KCNH7: variants seen among roughly 807,000 people sequenced by gnomAD.
KCNH7 encodes the protein potassium voltage-gated channel subfamily H member 7.
KCNH7 carries 49 observed loss-of-function variants against 120.8 expected under a neutral mutation model. That is an observed-to-expected ratio of 0.41 (90% CI 0.32 to 0.51). The LOEUF (loss-of-function observed/expected upper bound fraction) is 0.51. KCNH7 is among the 20% of genes least tolerant of loss of function. The probability of loss-of-function intolerance (pLI) is 0.38; values close to 1 mark genes in which losing one functional copy is unlikely to be tolerated. For synonymous variants in KCNH7, 547 were observed against 516.1 expected (o/e 1.06, Z -0.81); for missense variants, 1,097 against 1,446.6 (o/e 0.76, Z 3.92).
chr2:162,629,389 TG>T (rs1408565055), intron 2 of KCNH7, among the ~76,000 whole-genome samples: 1 of 152,004 alleles, frequency 6.6e-6, no homozygotes, highest in Non-Finnish European at 1.5e-5. Flanking sequence ...TAGGGCCTGA[TG>T]GGGTTTAGAA....
chr2:162,552,273 C>T (rs920114750), intron 2 of KCNH7, among the ~76,000 whole-genome samples: 2 of 152,116 alleles, frequency 1.3e-5, no homozygotes, highest in Admixed American at 6.5e-5. Flanking sequence ...TCTTAGTACT[C>T]TGTTTATTTT....
At chr2:162,539,096 G>A (rs910581517) in intron 2 of KCNH7, among the ~76,000 whole-genome samples, 8 of 152,062 alleles carry the variant, frequency 5.3e-5, no homozygotes, top group African/African-American at 1.9e-4. Context: ...GTTAGCTGGA[G>A]CACTTGTCAT....
chr2:162,390,550 C>T (rs905733817), intron 12 of KCNH7, among the ~76,000 whole-genome samples: 1 of 151,882 alleles, frequency 6.6e-6, no homozygotes, highest in Admixed American at 6.6e-5. Flanking sequence ...CTCATGGCCA[C>T]TGAGCAGGTC....
chr2:162,480,116 G>T (rs1689880464), intron 6 of KCNH7, among the ~76,000 whole-genome samples: 1 of 151,982 alleles, frequency 6.6e-6, no homozygotes, highest in Admixed American at 6.6e-5. Context: ...AAAAAATGGA[G>T]TTCAGGTTAC....
At chr2:162,606,979 GT>G (rs1682794487) in intron 2 of KCNH7, among the ~76,000 whole-genome samples, 1 of 151,978 alleles carries the variant, frequency 6.6e-6, no homozygotes, top group Admixed American at 6.6e-5. Flanking sequence ...CACTAAAATT[GT>G]TTTTTGAGCA....
chr2:162,643,548 C>T (rs915379860), intron 2 of KCNH7, among the ~76,000 whole-genome samples: 2 of 151,948 alleles, frequency 1.3e-5, no homozygotes, highest in African/African-American at 4.8e-5. Context: ...GTGGCTCACA[C>T]CTGTAACCCC....
chr2:162,635,861 T>C (rs935592918), intron 2 of KCNH7, among the ~76,000 whole-genome samples: 3 of 152,072 alleles, frequency 2.0e-5, no homozygotes, highest in African/African-American at 7.2e-5. Flanking sequence ...CCTATGAGTT[T>C]TCATCCACAA....
Position 162,710,315 on chromosome 2 carries a change from T to C in KCNH7, c.307+126222A>G, listed in dbSNP as rs77487579. On this transcript the variant is annotated intron_variant, in intron 2 of 15. Transcript: ENST00000332142. ...ATGCTAAGCTGTAAACTACAAAACA[T>C]GCATGTATAATAAAATTAGATAAGC... Among the ~76,000 whole-genome samples the C allele has an allele frequency of 4.9e-3, 743 of 152,284 alleles. 2 individuals are homozygous for C. The highest frequency in any genetic ancestry group is 8.8e-3 in the Non-Finnish European group (597 of 68,018).
chr2:162,386,968 G>A (rs1686592321), intron 12 of KCNH7, among the ~76,000 whole-genome samples: 1 of 151,362 alleles, frequency 6.6e-6, no homozygotes, highest in African/African-American at 2.4e-5. Context: ...GGTCAGTGAG[G>A]AATTACTATT....
At chr2:162,453,436 G>A (rs1054851638) in intron 6 of KCNH7, among the ~76,000 whole-genome samples, 2 of 152,154 alleles carry the variant, frequency 1.3e-5, no homozygotes, top group African/African-American at 4.8e-5. Context: ...ATGTGCATGT[G>A]TCTTTATAGT....
At chr2:162,570,678 C>T (rs973435744) in intron 2 of KCNH7, among the ~76,000 whole-genome samples, 1 of 152,008 alleles carries the variant, frequency 6.6e-6, no homozygotes, top group Non-Finnish European at 1.5e-5. Context: ...TCGGTTGTTC[C>T]TTTCCATGTT....
intron 2 of KCNH7, among the ~76,000 whole-genome samples, chr2:162,719,604 A>T (rs1001652284): frequency 5.3e-5 from 8 of 152,044 alleles, no homozygotes; most frequent in Non-Finnish European, 1.0e-4. Flanking sequence ...CTCCCAGACT[A>T]GGAAAACCAG....
chr2:162,503,211 G>A (rs1690748936), intron 6 of KCNH7, among the ~76,000 whole-genome samples: 1 of 151,836 alleles, frequency 6.6e-6, no homozygotes, highest in South Asian at 2.1e-4. Context: ...CTTTTCTTCT[G>A]TCTCCTCTTA....
At chr2:162,516,975 T>C (rs1691318474) in intron 4 of KCNH7, among the ~76,000 whole-genome samples, 1 of 151,682 alleles carries the variant, frequency 6.6e-6, no homozygotes, top group African/African-American at 2.4e-5. Context: ...CTTATGAGAG[T>C]AAAATGAGAC....
chr2:162,804,411 A>T (rs976934179), intron 2 of KCNH7, among the ~76,000 whole-genome samples: 2 of 151,946 alleles, frequency 1.3e-5, no homozygotes, highest in Admixed American at 1.3e-4. Context: ...ACACAAATCA[A>T]CAGCACTGCT....
At chr2:162,626,998 T>C (rs1397042924) in intron 2 of KCNH7, among the ~76,000 whole-genome samples, 1 of 152,194 alleles carries the variant, frequency 6.6e-6, no homozygotes, top group East Asian at 1.9e-4. Flanking sequence ...TGTAAGATCA[T>C]GCTTATAGAA....
chr2:162,463,597 G>A (rs1030557815), intron 6 of KCNH7, among the ~76,000 whole-genome samples: 2 of 151,822 alleles, frequency 1.3e-5, no homozygotes, highest in African/African-American at 4.8e-5. Context: ...TCACCAGATG[G>A]CTAAAATGTG....
At position 162,675,530 on chromosome 2, in the gene KCNH7, CTT is replaced by C. The variant is rs1175096548; in HGVS notation, c.308-138452_308-138451del. Reference sequence around the variant, plus strand: ...AGTGTATCCATACAAAGGTATTTCACTTAGGAATAAAAATGAATACACTATTG... The same window carrying C: ...AGTGTATCCATACAAAGGTATTTCACAGGAATAAAAATGAATACACTATTG... On this transcript the variant is annotated intron_variant, in intron 2 of 15. Transcript: ENST00000332142. Among the ~76,000 whole-genome samples, 15 of 151,336 alleles carry C rather than the reference CTT, an allele frequency of 9.9e-5. 1 individual carries two copies. The South Asian group carries it at 1.9e-3, about 19-fold the overall frequency.
intron 2 of KCNH7, among the ~76,000 whole-genome samples, chr2:162,791,326 C>G (rs906677836): frequency 1.1e-4 from 17 of 151,872 alleles, no homozygotes; most frequent in African/African-American, 4.1e-4. Context: ...TGAAGAATGT[C>G]AATGGTAGTT....
Sources: gnomAD v4.1 joint callset for allele counts (sites outside exome capture counted in the v4.1 genomes callset) on GRCh38, gnomAD v4.1.1 for gene constraint, MANE v1.5 for transcripts, NCBI Gene and HGNC (gene_info 2026-07-23, HGNC 2026-07-21) for gene names.